Variants in CPVL observed in about 807,000 individuals in gnomAD.
CPVL encodes carboxypeptidase vitellogenic like, also known as probable serine carboxypeptidase CPVL.
A neutral mutation model predicts 63.7 loss-of-function variants in CPVL; 51 were observed. The observed-to-expected ratio is 0.80, with a 90% CI of 0.64 to 1.01. CPVL has a LOEUF of 1.01. CPVL is among the 50% of genes least tolerant of loss of function. The pLI, the probability that CPVL is intolerant of heterozygous loss-of-function variation, is 0.00. For missense variants in CPVL, 530 were observed against 573.1 expected (o/e 0.92, Z 0.77); for synonymous variants, 195 against 206.0 (o/e 0.95, Z 0.46).
intron 5 of CPVL, among the ~76,000 whole-genome samples, chr7:29,167,188 T>C (rs1024935263): frequency 1.3e-5 from 2 of 152,206 alleles, no homozygotes; most frequent in African/African-American, 4.8e-5. Flanking sequence ...AAACTAACTT[T>C]TAATTATTTA....
At chr7:29,139,735 GT>G (rs1003318276) in intron 1 of CPVL, among the ~76,000 whole-genome samples, 1 of 152,144 alleles carries the variant, frequency 6.6e-6, no homozygotes, top group Non-Finnish European at 1.5e-5. Context: ...GGAGTGTGCA[GT>G]CTGCCAGCTC....
At chr7:29,043,251 T>A (rs1259277748) in intron 11 of CPVL, among the ~76,000 whole-genome samples, 1 of 151,548 alleles carries the variant, frequency 6.6e-6, no homozygotes, top group East Asian at 1.9e-4. Flanking sequence ...TTTTTTTTTT[T>A]AAAGTCTGTG....
intron 5 of CPVL, among the ~76,000 whole-genome samples, chr7:29,159,564 G>A (rs1335918564): frequency 6.6e-6 from 1 of 152,024 alleles, no homozygotes. Context: ...TGATGAAATG[G>A]GGTGGCTAAT....
At chr7:29,194,708 A>C in intron 1 of CPVL, 1 of 409,986 alleles carries the variant, frequency 2.4e-6, no homozygotes, top group South Asian at 7.3e-5. Context: ...ACCCATAGAA[A>C]AGCGTGCAAA....
chr7:29,024,337 CAT>C (rs1787289910), intron 12 of CPVL, among the ~76,000 whole-genome samples: 1 of 152,142 alleles, frequency 6.6e-6, no homozygotes, highest in Non-Finnish European at 1.5e-5. Context: ...GCCTACATGA[CAT>C]ATGGAACACC....
At chr7:29,049,540 A>G (rs750119622) in intron 11 of CPVL, among the ~76,000 whole-genome samples, 37 of 152,314 alleles carry the variant, frequency 2.4e-4, no homozygotes, top group Non-Finnish European at 4.1e-4. Context: ...ACCAACGAAA[A>G]AAAAGTCCAG....
intron 12 of CPVL, among the ~76,000 whole-genome samples, chr7:28,997,298 CT>C (rs1164224461): frequency 6.6e-6 from 1 of 152,208 alleles, no homozygotes; most frequent in African/African-American, 2.4e-5. Flanking sequence ...TAACTTCTAG[CT>C]GCAGAATCAC....
At chr7:29,182,865 G>T (rs245917) in intron 4 of CPVL, among the ~76,000 whole-genome samples, 1 of 151,986 alleles carries the variant, frequency 6.6e-6, no homozygotes, top group East Asian at 1.9e-4. Context: ...TTGCCCTTTT[G>T]TGTGGAAAAT....
intron 12 of CPVL, among the ~76,000 whole-genome samples, chr7:29,008,035 G>A (rs968305127): frequency 2.0e-5 from 3 of 152,152 alleles, no homozygotes. Flanking sequence ...TGCCAAGAAG[G>A]AGGTAATGTG....
chr7:29,094,390 T>A (rs1487682142), intron 5 of CPVL, among the ~76,000 whole-genome samples: 2 of 152,120 alleles, frequency 1.3e-5, no homozygotes, highest in African/African-American at 2.4e-5. Context: ...TGACTTTTTA[T>A]ATCTATAACT....
chr7:29,026,866 G>T (rs933840428), intron 12 of CPVL, among the ~76,000 whole-genome samples: 2 of 151,950 alleles, frequency 1.3e-5, no homozygotes, highest in Non-Finnish European at 2.9e-5. Context: ...CCCAACAAAG[G>T]AAAGTCTAGA....
rs766008084 is a variant in CPVL, at chr7:28,995,879, T to C, written c.1324A>G (p.Ile442Val). The part of the protein sequence containing the change: ...IRQAGDFHQV[I>V]IRGGGHILPY... Reference sequence around the variant, plus strand: ...AAAATATGTCCTCCACCTCGAATAATTACCTTAAAAAGAAAAAGTAAAAGA... The same window carrying C: ...AAAATATGTCCTCCACCTCGAATAACTACCTTAAAAAGAAAAAGTAAAAGA... The change falls in exon 13 of 13, where the codon ATT becomes GTT. Residue 442 changes from isoleucine to valine, a missense_variant. Coordinates refer to ENST00000265394, the MANE Select transcript of CPVL (RefSeq NM_031311.5). 3.2e-6 allele frequency: 5 copies of C among 1,555,424 alleles called. No individual in the cohort carries two copies. In the East Asian group the frequency reaches 9.0e-5, roughly 28 times the overall value.
intron 3 of CPVL, among the ~76,000 whole-genome samples, chr7:29,107,678 A>G (rs555213035): frequency 3.9e-5 from 6 of 152,350 alleles, no homozygotes; most frequent in Admixed American, 2.0e-4. Flanking sequence ...GCAGAATCAG[A>G]ATCTCTGCTG....
chr7:29,106,703 G>A (rs556341424), intron 3 of CPVL, among the ~76,000 whole-genome samples: 2 of 152,172 alleles, frequency 1.3e-5, no homozygotes, highest in East Asian at 1.9e-4. Flanking sequence ...AAAGTAGCTC[G>A]CATAGTAATC....
intron 12 of CPVL, among the ~76,000 whole-genome samples, chr7:29,015,930 T>C (rs910262113): frequency 1.2e-4 from 19 of 152,334 alleles, no homozygotes; most frequent in African/African-American, 4.3e-4. Context: ...CTACTGTGAT[T>C]CCACAAAATT....
At chr7:29,153,885 T>C (rs191300374) in intron 5 of CPVL, among the ~76,000 whole-genome samples, 1 of 152,290 alleles carries the variant, frequency 6.6e-6, no homozygotes, top group East Asian at 1.9e-4. Flanking sequence ...TATGATTTTC[T>C]TAGTAACATT....
At chr7:29,099,472 G>C (rs1303029891) in intron 3 of CPVL, among the ~76,000 whole-genome samples, 1 of 152,192 alleles carries the variant, frequency 6.6e-6, no homozygotes, top group Non-Finnish European at 1.5e-5. Context: ...AGCACTTTGG[G>C]AGGCCGAGGC....
intron 5 of CPVL, among the ~76,000 whole-genome samples, chr7:29,163,229 T>C (rs1182578336): frequency 1.3e-5 from 2 of 152,150 alleles, no homozygotes; most frequent in African/African-American, 4.8e-5. Flanking sequence ...TGTTATTAAA[T>C]CTAAGACGTG....
chr7:29,071,758 GCC>G lies in CPVL; in HGVS notation c.864+13_864+14del. The G allele has an allele frequency of 6.3e-7, 1 of 1,588,308 alleles. No homozygotes were observed. Among genetic ancestry groups the G allele is most frequent in the Non-Finnish European group, 8.6e-7 (1 of 1,165,142 alleles). ...TTTAATTGCTCAAGGGCAGCACAGGGCCCCCAGAACTCACTTCAAAGGCCTCA... is the reference window on the plus strand; with the variant it reads ...TTTAATTGCTCAAGGGCAGCACAGGGCCCAGAACTCACTTCAAAGGCCTCA... On this transcript the variant is annotated intron_variant, in intron 9 of 12. Coordinates refer to ENST00000265394, the MANE Select transcript of CPVL (RefSeq NM_031311.5).
Sources: allele counts gnomAD v4.1 joint callset (sites outside exome capture counted in the v4.1 genomes callset), GRCh38; gene constraint gnomAD v4.1.1; transcripts MANE v1.5; gene names NCBI Gene and HGNC (gene_info 2026-07-23, HGNC 2026-07-21).